WSCD1: variants seen among roughly 807,000 people sequenced by gnomAD.
The protein encoded by WSCD1 is WSC domain sialate O sulfotransferase 1, also known as sialate:O-sulfotransferase 1.
A neutral mutation model predicts 60.4 loss-of-function variants in WSCD1; 41 were observed. The ratio of observed to expected loss-of-function variants is 0.68; its 90% CI spans 0.53 to 0.88. WSCD1 has a LOEUF of 0.88. Among genes scored for constraint, WSCD1 ranks in the 40% least tolerant of loss-of-function variants. The pLI is 0.00. For synonymous variants in WSCD1, 361 were observed against 332.5 expected (o/e 1.09, Z -0.93); for missense variants, 784 against 796.2 (o/e 0.98, Z 0.18).
Position 6,110,339 on chromosome 17 carries a change from C to T in WSCD1, c.1010-432C>T, listed in dbSNP as rs781016461. ...TAGCAGCCCTGGGGATGAGACATAACGAATGACTTGCCTGTCATTAGTCCA... is the reference window on the plus strand; with the variant it reads ...TAGCAGCCCTGGGGATGAGACATAATGAATGACTTGCCTGTCATTAGTCCA... On this transcript the variant is annotated intron_variant, in intron 6 of 8. Coordinates refer to ENST00000317744, the MANE Select transcript of WSCD1 (RefSeq NM_015253.2). This position sits in a 1 kb window ranked among gnomAD's most constrained non-coding sequence, Gnocchi z 4.8. Among the ~76,000 whole-genome samples the T allele has an allele frequency of 6.6e-5, 10 of 152,302 alleles. No homozygotes were observed. The highest frequency in any genetic ancestry group is 1.5e-4 in the Non-Finnish European group (10 of 68,018).
rs1369991566 is a variant in WSCD1, at chr17:6,121,802, A to T, written c.*1141A>T. 2 of 151,856 alleles carry T rather than the reference A, an allele frequency of 1.3e-5. No homozygotes were observed. The highest frequency in any genetic ancestry group is 2.1e-4 in the South Asian group (1 of 4,802). The allele number at this position is 151,856 out of a possible 1,614,324, so 9.4% of individuals were successfully genotyped here. ...CTAGGTCTGGTCCTGCCAGCCTGGG[A>T]TGGGGGTCAATGTATGCTACACATC... On this transcript the variant is annotated 3_prime_UTR_variant, in exon 9 of 9. Transcript: ENST00000317744.
Position 6,120,829 on chromosome 17 carries a change from A to G in WSCD1, c.*168A>G. 1.5e-6 allele frequency: 1 copy of G among 689,002 alleles called. No homozygotes were observed. Among genetic ancestry groups the G allele is most frequent in the East Asian group, 2.7e-5 (1 of 36,548 alleles). 42.7% of individuals were successfully genotyped at this position (689,002 alleles called of 1,614,324 possible). On this transcript the variant is annotated 3_prime_UTR_variant, in exon 9 of 9. Coordinates refer to ENST00000317744, the MANE Select transcript of WSCD1 (RefSeq NM_015253.2). ...GGAGACCTGGACACAACAGACACAC[A>G]TCACAAGGCGAACACAAATGGACAC...
intron 4 of WSCD1, among the ~76,000 whole-genome samples, chr17:6,091,444 C>G (rs146032690): frequency 1.7e-4 from 26 of 152,188 alleles, no homozygotes; most frequent in Non-Finnish European, 2.6e-4. Flanking sequence ...CATGGCCACT[C>G]TGTTTGGGTC....
rs1017692258 is a variant in WSCD1 at position 6,095,241 on chromosome 17, T to C, written c.849+18T>C. 13 of 1,610,542 alleles carry C rather than the reference T, an allele frequency of 8.1e-6. No individual in the cohort carries two copies. The highest frequency in any genetic ancestry group is 1.1e-5 in the Non-Finnish European group (13 of 1,178,330). ...CCCAGAAAGTAAGACCAAGTGATCATTTCACAACCCTTTCCTTTAAGTGTG... is the reference window on the plus strand; with the variant it reads ...CCCAGAAAGTAAGACCAAGTGATCACTTCACAACCCTTTCCTTTAAGTGTG... On this transcript the variant is annotated intron_variant, in intron 5 of 8. Coordinates refer to ENST00000317744, the MANE Select transcript of WSCD1 (RefSeq NM_015253.2).
intron 8 of WSCD1, among the ~76,000 whole-genome samples, chr17:6,119,695 C>T (rs1277261408): frequency 2.0e-5 from 3 of 152,146 alleles, no homozygotes; most frequent in Non-Finnish European, 4.4e-5. Context: ...CTTATCTTGT[C>T]TTCTGAGCCT....
chr17:6,117,338 C>A (rs1006549026), intron 7 of WSCD1, among the ~76,000 whole-genome samples: 1 of 152,196 alleles, frequency 6.6e-6, no homozygotes, highest in African/African-American at 2.4e-5. Context: ...GAGGCCTTGA[C>A]CAGACCTGCT....
chr17:6,109,055 G>A (rs1911258223), intron 5 of WSCD1, among the ~76,000 whole-genome samples: 1 of 152,206 alleles, frequency 6.6e-6, no homozygotes, highest in Non-Finnish European at 1.5e-5. Context: ...CAGGGAGGTG[G>A]CTGGCCAAGG....
chr17:6,073,412 C>T (rs1211099119), intron 1 of WSCD1, among the ~76,000 whole-genome samples: 1 of 152,212 alleles, frequency 6.6e-6, no homozygotes, highest in Admixed American at 6.5e-5. Context: ...GGCAGATCAC[C>T]TGAGTCCAGG....
chr17:6,091,821 G>C (rs1263987760), intron 4 of WSCD1, among the ~76,000 whole-genome samples: 2 of 152,198 alleles, frequency 1.3e-5, no homozygotes, highest in Non-Finnish European at 2.9e-5. Flanking sequence ...CTCCAGGAGA[G>C]CTGACGGATT....
chr17:6,105,806 A>G (rs1911054648), intron 5 of WSCD1, among the ~76,000 whole-genome samples: 1 of 152,202 alleles, frequency 6.6e-6, no homozygotes, highest in Non-Finnish European at 1.5e-5. Context: ...TAGATTTACC[A>G]TGCTGGTGGA....
At chr17:6,092,307 G>C (rs1024013488) in intron 4 of WSCD1, among the ~76,000 whole-genome samples, 1 of 152,282 alleles carries the variant, frequency 6.6e-6, no homozygotes, top group Non-Finnish European at 1.5e-5. Context: ...GCAACTGTCT[G>C]TGGGGTCACA....
chr17:6,113,074 G>C (rs368364611), intron 7 of WSCD1, among the ~76,000 whole-genome samples: 1 of 152,078 alleles, frequency 6.6e-6, no homozygotes, highest in South Asian at 2.1e-4. Flanking sequence ...ACAAAAAACA[G>C]CATGGTACTG....
chr17:6,093,969 C>G (rs763356449), intron 4 of WSCD1, among the ~76,000 whole-genome samples: 16 of 152,326 alleles, frequency 1.1e-4, no homozygotes, highest in East Asian at 1.9e-4. Context: ...AGATGGGCTT[C>G]CAGATCCAGG....
chr17:6,101,202 G>A lies in WSCD1; in HGVS notation c.849+5979G>A, dbSNP rs991074972. The stretch of plus-strand genomic sequence containing the variant: ...AGCTTTATCTCATCCTAATTTGGCC[G>A]AAAAACAAGCTCAAATGTCCTATGA... On this transcript the variant is annotated intron_variant, in intron 5 of 8. Transcript: ENST00000317744. The surrounding 1 kb of genome is among the most constrained non-coding windows in gnomAD (Gnocchi z 4.1). Among the ~76,000 whole-genome samples, 2 of 152,162 alleles carry A rather than the reference G, an allele frequency of 1.3e-5. No homozygotes were observed. Among genetic ancestry groups the A allele is most frequent in the South Asian group, 4.1e-4 (2 of 4,828 alleles).
chr17:6,111,566 T>C (rs1387363908), intron 7 of WSCD1, among the ~76,000 whole-genome samples: 1 of 151,816 alleles, frequency 6.6e-6, no homozygotes, highest in Non-Finnish European at 1.5e-5. Flanking sequence ...CTGGGCGCGG[T>C]GGTAGGCGCC....
chr17:6,110,620 T>G lies in WSCD1; in HGVS notation c.1010-151T>G. 1 of 1,045,286 alleles carries G rather than the reference T, an allele frequency of 9.6e-7. No homozygotes were observed. Among genetic ancestry groups the G allele is most frequent in the Non-Finnish European group, 1.4e-6 (1 of 717,258 alleles). 64.8% of individuals were successfully genotyped at this position (1,045,286 alleles called of 1,614,324 possible). On this transcript the variant is annotated intron_variant, in intron 6 of 8. Transcript: ENST00000317744. The surrounding 1 kb of genome is among the most constrained non-coding windows in gnomAD (Gnocchi z 4.8). ...GCCACAGACCTGTGCAGCTAAGGTA[T>G]ATTTGGAAGATCTCTTCCCTTCTTT...
chr17:6,117,385 A>T (rs1397900925), intron 7 of WSCD1, among the ~76,000 whole-genome samples: 1 of 152,222 alleles, frequency 6.6e-6, no homozygotes. Context: ...GAACCATGGC[A>T]TCAGGTCAGA....
intron 7 of WSCD1, among the ~76,000 whole-genome samples, chr17:6,113,499 T>G (rs9911424): frequency 0.94 from 143,802 of 152,280 alleles, 68,360 homozygotes; most frequent in East Asian, 1. Flanking sequence ...AGACAAGTGG[T>G]ATTATGTCAA....
At chr17:6,109,802 G>A in intron 6 of WSCD1, 36 bp downstream of exon 6, 1 of 1,597,390 alleles carries the variant, frequency 6.3e-7, no homozygotes, top group Non-Finnish European at 8.6e-7. Flanking sequence ...GTGGCATTTG[G>A]TCTGGGGGGT....
Sources: gnomAD v4.1 joint callset for allele counts (sites outside exome capture counted in the v4.1 genomes callset) on GRCh38, gnomAD v4.1.1 for gene constraint, Gnocchi (gnomAD v3.1) non-coding constraint, MANE v1.5 for transcripts, NCBI Gene and HGNC (gene_info 2026-07-23, HGNC 2026-07-21) for gene names.